GARRE1: variants seen among roughly 807,000 people sequenced by gnomAD.
GARRE1 encodes granule associated Rac and RHOG effector 1, also known as granule associated Rac and RHOG effector protein 1.
In GARRE1, 49 loss-of-function variants were observed where a neutral mutation model predicts 103.2. The observed-to-expected ratio is 0.47, with a 90% CI of 0.38 to 0.60. The LOEUF is 0.60. Ranked by LOEUF, GARRE1 falls within the 20% of genes least tolerant of loss-of-function variation. GARRE1 has a pLI of 0.00. For synonymous variants in GARRE1, 505 were observed against 532.8 expected (o/e 0.95, Z 0.72); for missense variants, 1,199 against 1,370.5 (o/e 0.87, Z 1.98).
intron 6 of GARRE1, among the ~76,000 whole-genome samples, chr19:34,329,801 A>C (rs1599776073): frequency 6.6e-6 from 1 of 151,512 alleles, no homozygotes; most frequent in African/African-American, 2.4e-5. Context: ...GTGCCAGTGC[A>C]CTCCAGCCTA....
chr19:34,272,703 G>A (rs2073794996), intron 1 of GARRE1, among the ~76,000 whole-genome samples: 1 of 152,212 alleles, frequency 6.6e-6, no homozygotes, highest in Admixed American at 6.5e-5. Context: ...TCTTCTAGGA[G>A]TGGTAAGCAG....
At chr19:34,296,539 C>G in intron 1 of GARRE1, 1 of 1,595,348 alleles carries the variant, frequency 6.3e-7, no homozygotes, top group Non-Finnish European at 8.5e-7. Flanking sequence ...ATAGCCTCGG[C>G]ACGTGCACTC....
At chr19:34,292,508 G>C (rs2073923785) in intron 1 of GARRE1, among the ~76,000 whole-genome samples, 1 of 152,130 alleles carries the variant, frequency 6.6e-6, no homozygotes, top group South Asian at 2.1e-4. Context: ...AAATTGCTGG[G>C]TTATGTGGTA....
chr19:34,348,296 T>C, intron 11 of GARRE1: 1 of 333,384 alleles, frequency 3.0e-6, no homozygotes, highest in Non-Finnish European at 5.4e-6. Flanking sequence ...AACAGACTCT[T>C]CAGCCCTAGA....
At chr19:34,345,849 T>C (rs10413770) in intron 10 of GARRE1, among the ~76,000 whole-genome samples, 4,706 of 152,348 alleles carry the variant, frequency 0.031, 240 homozygotes, top group African/African-American at 0.11. Flanking sequence ...AATAAATGAA[T>C]AAGAATGTTA....
chr19:34,268,869 C>T (rs1184000311), intron 1 of GARRE1, among the ~76,000 whole-genome samples: 2 of 152,136 alleles, frequency 1.3e-5, no homozygotes, highest in South Asian at 2.1e-4. Flanking sequence ...TACTTATTAA[C>T]GTAGTGACTG....
At chr19:34,322,803 G>C (rs2074095288) in intron 3 of GARRE1, among the ~76,000 whole-genome samples, 1 of 151,676 alleles carries the variant, frequency 6.6e-6, no homozygotes, top group South Asian at 2.1e-4. Flanking sequence ...GGCCAGGATG[G>C]TCTCAAACTC....
chr19:34,258,560 G>A (rs1051638294), intron 1 of GARRE1, among the ~76,000 whole-genome samples: 14 of 152,056 alleles, frequency 9.2e-5, no homozygotes, highest in South Asian at 4.1e-4. Context: ...CGAGGTGAGC[G>A]GATCACGAGG....
In GARRE1 at chr19:34,299,916, C is replaced by A. The variant is rs890602048; in HGVS notation, c.-558C>A. 8 of 152,202 alleles carry A rather than the reference C, an allele frequency of 5.3e-5. No homozygotes were observed. The highest frequency in any genetic ancestry group is 1.7e-4 in the African/African-American group (7 of 41,448). The allele number at this position is 152,202 out of a possible 1,614,324, so 9.4% of individuals were successfully genotyped here. A position where few individuals can be genotyped will look rare whatever the true frequency, so the allele number is the denominator to read the frequency against. On this transcript the variant is annotated 5_prime_UTR_variant, in exon 2 of 14. Coordinates refer to ENST00000299505, the MANE Select transcript of GARRE1 (RefSeq NM_014686.5). ...GAATTTCAGCATTGCATAGAAGCAG[C>A]CTTACAGGTAAACGGATTTGACGGG...
chr19:34,256,172 G>C (rs1309105800), intron 1 of GARRE1, among the ~76,000 whole-genome samples: 1 of 151,320 alleles, frequency 6.6e-6, no homozygotes, highest in East Asian at 2.0e-4. Context: ...CATAGTATTT[G>C]TTTTCCTTTG....
intron 1 of GARRE1, among the ~76,000 whole-genome samples, chr19:34,289,886 C>G (rs530986338): frequency 3.9e-5 from 6 of 152,174 alleles, no homozygotes; most frequent in Admixed American, 1.3e-4. Flanking sequence ...CTTTAATGTC[C>G]TGAATCCCCT....
intron 1 of GARRE1, among the ~76,000 whole-genome samples, chr19:34,255,228 AC>A (rs1207562343): frequency 1.3e-5 from 2 of 152,142 alleles, no homozygotes; most frequent in African/African-American, 4.8e-5. Flanking sequence ...AGCGTGGAGG[AC>A]CCGAGCCCGA....
At chr19:34,306,093 C>T (rs1269751616) in intron 2 of GARRE1, among the ~76,000 whole-genome samples, 1 of 152,204 alleles carries the variant, frequency 6.6e-6, no homozygotes, top group Non-Finnish European at 1.5e-5. Flanking sequence ...ATAAGGGTCT[C>T]TCTCAGAATT....
chr19:34,275,861 A>G (rs545253715), intron 1 of GARRE1, among the ~76,000 whole-genome samples: 5 of 152,298 alleles, frequency 3.3e-5, no homozygotes, highest in African/African-American at 4.8e-5. Flanking sequence ...GAGGATTCCA[A>G]ATTCTCTAAC....
At chr19:34,335,883 C>T (rs1039843782) in intron 8 of GARRE1, among the ~76,000 whole-genome samples, 2 of 152,114 alleles carry the variant, frequency 1.3e-5, no homozygotes, top group Non-Finnish European at 2.9e-5. Flanking sequence ...TGTTTAGAGT[C>T]TATGAATATA....
In GARRE1 at chr19:34,300,333, TG is replaced by T; in HGVS notation, c.-139del. 1.2e-6 allele frequency: 1 copy of T among 868,798 alleles called. No individual in the cohort carries two copies. The highest frequency in any genetic ancestry group is 1.7e-6 in the Non-Finnish European group (1 of 573,164). 53.8% of individuals were successfully genotyped at this position (868,798 alleles called of 1,614,324 possible). ...TCTCTCACCTCTACATTGGATCACA[TG>T]GTCACCTGCCTCATGGAAATGCCTT... On this transcript the variant is annotated 5_prime_UTR_variant, in exon 2 of 14. An upstream open reading frame in the 5' UTR gains an earlier in-frame stop. Coordinates refer to ENST00000299505, the MANE Select transcript of GARRE1 (RefSeq NM_014686.5).
At chr19:34,290,754 G>A (rs533977592) in intron 1 of GARRE1, among the ~76,000 whole-genome samples, 3 of 151,762 alleles carry the variant, frequency 2.0e-5, no homozygotes, top group East Asian at 1.9e-4. Context: ...CTCCCAAAGC[G>A]TTGAGATTAC....
intron 1 of GARRE1, among the ~76,000 whole-genome samples, chr19:34,287,070 C>T (rs2073891481): frequency 6.8e-6 from 1 of 147,186 alleles, no homozygotes; most frequent in Admixed American, 6.9e-5. Flanking sequence ...ACCCAGGGGG[C>T]GGAGCTTGCA....
intron 3 of GARRE1, among the ~76,000 whole-genome samples, chr19:34,324,249 AGTT>A (rs2074101984): frequency 6.6e-6 from 1 of 152,172 alleles, no homozygotes; most frequent in Admixed American, 6.5e-5. Context: ...TTCTTGGAGT[AGTT>A]GTCTACCTTT....
Sources: gnomAD v4.1 joint callset for allele counts (sites outside exome capture counted in the v4.1 genomes callset) on GRCh38, gnomAD v4.1.1 for gene constraint, MANE v1.5 for transcripts, NCBI Gene and HGNC (gene_info 2026-07-23, HGNC 2026-07-21) for gene names.